PTPRD: variants seen among roughly 807,000 people sequenced by gnomAD.
PTPRD encodes the protein receptor-type tyrosine-protein phosphatase delta.
In PTPRD, 34 loss-of-function variants were observed where a neutral mutation model predicts 214.5. That is an observed-to-expected ratio of 0.16 (90% CI 0.12 to 0.21). The LOEUF (loss-of-function observed/expected upper bound fraction) is 0.21, where lower values mean the gene tolerates loss of function less well. Among genes scored for constraint, PTPRD ranks in the 10% least tolerant of loss-of-function variants. The probability of loss-of-function intolerance (pLI) is 1.00; values close to 1 mark genes in which losing one functional copy is unlikely to be tolerated. For synonymous variants in PTPRD, 1,128 were observed against 845.7 expected (o/e 1.33, Z -5.79); for missense variants, 2,545 against 2,398.7 (o/e 1.06, Z -1.27).
chr9:8,893,278 G>A (rs1009808087), intron 11 of PTPRD, among the ~76,000 whole-genome samples: 1 of 152,156 alleles, frequency 6.6e-6, no homozygotes, highest in Non-Finnish European at 1.5e-5. Context: ...TAATGGATTA[G>A]CATTGTATTG....
chr9:8,713,730 G>C, intron 12 of PTPRD: 1 of 1,507,012 alleles, frequency 6.6e-7, no homozygotes, highest in Non-Finnish European at 9.1e-7. Flanking sequence ...GACGCCGGCA[G>C]GCTGTCAAGC....
chr9:10,173,680 T>C lies in PTPRD; in HGVS notation c.-544-139890A>G, dbSNP rs574347382. ...ACTTTACAAGAGGATATCTCACACC[T>C]AAGGATAAACAGAAAATAACAAAGA... On this transcript the variant is annotated intron_variant, in intron 3 of 45. Transcript: ENST00000381196. Among the ~76,000 whole-genome samples the C allele has an allele frequency of 7.2e-5, 11 of 152,014 alleles. No homozygotes were observed. In the South Asian group the frequency reaches 1.0e-3, roughly 14 times the overall value.
intron 10 of PTPRD, among the ~76,000 whole-genome samples, chr9:9,167,865 G>A (rs946335435): frequency 1.3e-5 from 2 of 152,128 alleles, no homozygotes; most frequent in Non-Finnish European, 2.9e-5. Context: ...CATGAAACAT[G>A]CTATTTTATT....
intron 39 of PTPRD, among the ~76,000 whole-genome samples, chr9:8,375,332 C>T (rs1486338233): frequency 2.6e-5 from 4 of 151,886 alleles, no homozygotes; most frequent in Non-Finnish European, 5.9e-5. Context: ...CTATACATTT[C>T]GAGAGAAATA....
chr9:9,427,609 G>T (rs1588124391), intron 8 of PTPRD, among the ~76,000 whole-genome samples: 1 of 152,132 alleles, frequency 6.6e-6, no homozygotes, highest in African/African-American at 2.4e-5. Flanking sequence ...ACACATAATT[G>T]TCAGATTTAC....
intron 5 of PTPRD, among the ~76,000 whole-genome samples, chr9:9,937,904 A>C (rs567696283): frequency 5.9e-5 from 9 of 152,308 alleles, no homozygotes; most frequent in Admixed American, 1.3e-4. Flanking sequence ...TGATGTGATT[A>C]ATATATTCTG....
At chr9:8,765,264 C>G (rs2094643154) in intron 11 of PTPRD, among the ~76,000 whole-genome samples, 1 of 152,208 alleles carries the variant, frequency 6.6e-6, no homozygotes, top group South Asian at 2.1e-4. Flanking sequence ...TTAGTGACTG[C>G]TTCCAGCAAA....
At chr9:10,611,915 C>A (rs1270762610) in intron 2 of PTPRD, among the ~76,000 whole-genome samples, 1 of 150,148 alleles carries the variant, frequency 6.7e-6, no homozygotes, top group Non-Finnish European at 1.5e-5. Flanking sequence ...GCCCCCCCCC[C>A]CTTTTTTTTT....
intron 10 of PTPRD, among the ~76,000 whole-genome samples, chr9:9,022,131 A>G (rs1230297188): frequency 1.3e-5 from 2 of 150,498 alleles, no homozygotes; most frequent in Non-Finnish European, 3.0e-5. Flanking sequence ...CCCAGAACGT[A>G]AAGTAAAATA....
intron 9 of PTPRD, among the ~76,000 whole-genome samples, chr9:9,308,857 T>G (rs1485000612): frequency 6.6e-6 from 1 of 152,172 alleles, no homozygotes; most frequent in Non-Finnish European, 1.5e-5. Context: ...TGAAGCATGC[T>G]GGTTAATAAG....
intron 11 of PTPRD, among the ~76,000 whole-genome samples, chr9:8,963,559 A>G (rs138769422): frequency 3.9e-5 from 6 of 152,212 alleles, no homozygotes; most frequent in African/African-American, 1.4e-4. Flanking sequence ...GGTGAATCAC[A>G]TTTATTGATT....
chr9:8,486,900 C>A (rs2097029037), intron 27 of PTPRD, among the ~76,000 whole-genome samples: 1 of 152,058 alleles, frequency 6.6e-6, no homozygotes, highest in South Asian at 2.1e-4. Context: ...CCAAGGCTAG[C>A]ATGTAACAAG....
chr9:8,426,616 C>T (rs1458900698), intron 35 of PTPRD, among the ~76,000 whole-genome samples: 3 of 151,898 alleles, frequency 2.0e-5, no homozygotes, highest in African/African-American at 7.3e-5. Context: ...TTATAGAGAA[C>T]TTGTATGAGA....
intron 31 of PTPRD, 91 bp from the exon 32 acceptor site, chr9:8,465,766 G>C: frequency 9.1e-7 from 1 of 1,102,806 alleles, no homozygotes; most frequent in Non-Finnish European, 1.3e-6. Context: ...TCAGAACTGG[G>C]AACAACCCAA....
intron 4 of PTPRD, among the ~76,000 whole-genome samples, chr9:9,957,749 T>C (rs2094044008): frequency 1.3e-5 from 2 of 151,984 alleles, no homozygotes; most frequent in African/African-American, 4.8e-5. Flanking sequence ...TACTAAAGAA[T>C]AAAGTTGGAA....
intron 2 of PTPRD, among the ~76,000 whole-genome samples, chr9:10,415,981 G>A (rs1264156004): frequency 2.6e-5 from 4 of 151,774 alleles, no homozygotes; most frequent in African/African-American, 4.8e-5. Context: ...CAGCTTTATC[G>A]AGTTTTAATT....
chr9:8,956,670 A>T (rs1335011081), intron 11 of PTPRD, among the ~76,000 whole-genome samples: 1 of 151,828 alleles, frequency 6.6e-6, no homozygotes, highest in Non-Finnish European at 1.5e-5. Flanking sequence ...GCAGTTATCA[A>T]GCTCCTGAAC....
At chr9:8,692,892 C>G (rs531487971) in intron 12 of PTPRD, among the ~76,000 whole-genome samples, 6 of 152,294 alleles carry the variant, frequency 3.9e-5, no homozygotes, top group East Asian at 3.9e-4. Flanking sequence ...ATCAAAACAT[C>G]AATGTTTGGC....
intron 36 of PTPRD, among the ~76,000 whole-genome samples, chr9:8,396,155 A>G (rs76429798): frequency 0.1 from 15,358 of 152,120 alleles, 866 homozygotes; most frequent in African/African-American, 0.16. Context: ...TATGAATATC[A>G]TAATCAAAAA....
Sources: allele counts gnomAD v4.1 joint callset (sites outside exome capture counted in the v4.1 genomes callset), GRCh38; gene constraint gnomAD v4.1.1; transcripts MANE v1.5; gene names NCBI Gene and HGNC (gene_info 2026-07-23, HGNC 2026-07-21).